Variants in ANKRD36 observed in about 807,000 individuals in gnomAD.
ANKRD36 encodes ankyrin repeat domain 36.
Under a neutral mutation model 278.1 loss-of-function variants are expected in ANKRD36, and 179 were observed. The observed-to-expected ratio is 0.64, with a 90% CI of 0.57 to 0.73. The LOEUF (loss-of-function observed/expected upper bound fraction) is 0.73, where lower values mean the gene tolerates loss of function less well. Among genes scored for constraint, ANKRD36 ranks in the 30% least tolerant of loss-of-function variants. The pLI, the probability that ANKRD36 is intolerant of heterozygous loss-of-function variation, is 0.00. For synonymous variants in ANKRD36, 320 were observed against 641.1 expected (o/e 0.50, Z 7.57); for missense variants, 1,159 against 1,956.7 (o/e 0.59, Z 7.69).
intron 3 of ANKRD36, among the ~76,000 whole-genome samples, chr2:97,122,524 A>C (rs2037175581): frequency 6.7e-6 from 1 of 148,224 alleles, no homozygotes; most frequent in Non-Finnish European, 1.5e-5. Context: ...TTAGAGTTTG[A>C]GGACATAGAG....
chr2:97,217,643 G>A (rs1258831736), intron 64 of ANKRD36, among the ~76,000 whole-genome samples: 2 of 152,084 alleles, frequency 1.3e-5, no homozygotes, highest in African/African-American at 4.8e-5. Flanking sequence ...GAGGATCCGG[G>A]GACAGCATAA....
At position 97,152,505 on chromosome 2, in the gene ANKRD36, G is replaced by T. The variant is rs1434809321; in HGVS notation, c.1164G>T (p.Val388=). ...TGCATTTTACTTTTTCTTTAATAGT[G>T]CTTCCTCCTGTTGAAGAGGCTGTTG... ...KIISPRSIKD[V]LPPVEEAVDR... is the part of the protein sequence containing the mutation. The change falls in exon 14 of 76, where the codon GTG becomes GTT. Residue 388 remains valine, a splice_region_variant and synonymous_variant. Transcript: ENST00000420699. The T allele has an allele frequency of 6.8e-7, 1 of 1,466,316 alleles. No individual in the cohort carries two copies. The highest frequency in any genetic ancestry group is 1.4e-5 in the African/African-American group (1 of 72,700). 90.8% of individuals were successfully genotyped at this position (1,466,316 alleles called of 1,614,324 possible).
chr2:97,184,397 T>C (rs1018559900), intron 28 of ANKRD36, among the ~76,000 whole-genome samples: 8 of 151,754 alleles, frequency 5.3e-5, no homozygotes, highest in African/African-American at 1.9e-4. Context: ...TATTAGCTTT[T>C]TTCCAAAGTG....
intron 6 of ANKRD36, among the ~76,000 whole-genome samples, chr2:97,129,699 G>A (rs2039573385): frequency 6.6e-6 from 1 of 152,048 alleles, no homozygotes; most frequent in African/African-American, 2.4e-5. Flanking sequence ...TGGCTAGCCA[G>A]TTTTCCCAGC....
chr2:97,175,367 G>T (rs544369538), intron 22 of ANKRD36, among the ~76,000 whole-genome samples: 1 of 151,648 alleles, frequency 6.6e-6, no homozygotes. Flanking sequence ...GAGTGTATGT[G>T]TCTAGGAATT....
chr2:97,177,824 G>A (rs202194134), intron 22 of ANKRD36, among the ~76,000 whole-genome samples: 79 of 151,686 alleles, frequency 5.2e-4, no homozygotes, highest in African/African-American at 1.6e-3. Context: ...AAAATTGACA[G>A]ATGGGATCTA....
chr2:97,198,108 G>T (rs1268963100), intron 42 of ANKRD36, among the ~76,000 whole-genome samples: 1 of 151,912 alleles, frequency 6.6e-6, no homozygotes. Context: ...GTGGGTACAT[G>T]TAGCACCTGC....
intron 48 of ANKRD36, among the ~76,000 whole-genome samples, chr2:97,203,162 T>C (rs1289172784): frequency 2.0e-5 from 3 of 151,802 alleles, no homozygotes; most frequent in Non-Finnish European, 4.4e-5. Flanking sequence ...ACCTCTTGGA[T>C]ACCATAGCTA....
At chr2:97,230,033 G>A (rs1195949547) in intron 67 of ANKRD36, among the ~76,000 whole-genome samples, 1 of 152,094 alleles carries the variant, frequency 6.6e-6, no homozygotes, top group African/African-American at 2.4e-5. Context: ...GCTTCCCTTT[G>A]TGGGCAACCT....
intron 72 of ANKRD36, chr2:97,248,853 T>TTA (rs1282290088): frequency 2.0e-6 from 1 of 492,508 alleles, no homozygotes; most frequent in Non-Finnish European, 3.5e-6. Context: ...CCAGATAGTG[T>TTA]TATGTAAGGC....
chr2:97,157,130 C>CTCTCTCT (rs2047660651), intron 15 of ANKRD36, among the ~76,000 whole-genome samples: 1 of 67,262 alleles, frequency 1.5e-5, no homozygotes, highest in African/African-American at 3.3e-5. Flanking sequence ...GTTTTTTTTT[C>CTCTCTCT]CTCTCTCTCT....
chr2:97,162,706 A>C (rs1425257534), intron 18 of ANKRD36, among the ~76,000 whole-genome samples: 2 of 145,130 alleles, frequency 1.4e-5, no homozygotes, highest in Non-Finnish European at 3.0e-5. Flanking sequence ...ACAGGAACTC[A>C]TTTCTTCTCT....
chr2:97,203,561 C>A (rs1356267257), intron 48 of ANKRD36, among the ~76,000 whole-genome samples: 1 of 151,804 alleles, frequency 6.6e-6, no homozygotes, highest in African/African-American at 2.4e-5. Context: ...TAGGACACTT[C>A]CACTGAAGAG....
At position 97,195,870 on chromosome 2, in the gene ANKRD36, A is replaced by G. The variant is rs185243679; in HGVS notation, c.2552-723A>G. ...AATGGTTGTGGCAGTTTTACTTTGTAGAAATATGTCAAAATTGATAATTGA... is the reference window on the plus strand; with the variant it reads ...AATGGTTGTGGCAGTTTTACTTTGTGGAAATATGTCAAAATTGATAATTGA... On this transcript the variant is annotated intron_variant, in intron 40 of 75. Coordinates refer to ENST00000420699, the MANE Select transcript of ANKRD36 (RefSeq NM_001354587.1). 2.6e-3 allele frequency among the ~76,000 whole-genome samples: 398 copies of G among 152,054 alleles called. 16 individuals carry two copies. The East Asian group carries it at 0.048, about 18-fold the overall frequency.
In ANKRD36 at chr2:97,128,585, A is replaced by G. The variant is rs1348762707; in HGVS notation, c.799+1451A>G. ...TTGTCCAAATATGGGGAACAAATCT[A>G]CCAAGATCCTGTGTAACCCTTTTGT... On this transcript the variant is annotated intron_variant, in intron 6 of 75. Transcript: ENST00000420699. 2.0e-5 allele frequency among the ~76,000 whole-genome samples: 3 copies of G among 152,018 alleles called. No homozygotes were observed. In the Admixed American group the frequency reaches 2.0e-4, roughly 10 times the overall value.
chr2:97,195,071 C>G (rs1478762717), intron 40 of ANKRD36, among the ~76,000 whole-genome samples, 154 bp downstream of exon 40: 3 of 151,964 alleles, frequency 2.0e-5, no homozygotes, highest in Non-Finnish European at 2.9e-5. Flanking sequence ...TATGCTGATG[C>G]TACTGGTCTG....
At chr2:97,141,362 T>G (rs2042872965) in intron 6 of ANKRD36, among the ~76,000 whole-genome samples, 1 of 142,604 alleles carries the variant, frequency 7.0e-6, no homozygotes, top group African/African-American at 2.6e-5. Flanking sequence ...GACATGTATG[T>G]TTTTGCAAAA....
At chr2:97,176,677 G>A (rs560759454) in intron 22 of ANKRD36, among the ~76,000 whole-genome samples, 75 of 150,958 alleles carry the variant, frequency 5.0e-4, no homozygotes, top group African/African-American at 1.7e-3. Context: ...TACGATGTTA[G>A]CTGGTTATTT....
rs916783212 is a variant in ANKRD36 at position 97,126,621 on chromosome 2, T to G, written c.732-446T>G. On this transcript the variant is annotated intron_variant, in intron 5 of 75. Transcript: ENST00000420699. ...ATTTCAAAATAGTTTCAGCAATAAA[T>G]TTCAAGAACAAACTCCACTGCTTTA... Among the ~76,000 whole-genome samples, 6 of 151,988 alleles carry G rather than the reference T, an allele frequency of 3.9e-5. No individual in the cohort carries two copies. The East Asian group carries it at 9.6e-4, about 24-fold the overall frequency.
Sources: gnomAD v4.1 joint callset for allele counts (sites outside exome capture counted in the v4.1 genomes callset) on GRCh38, gnomAD v4.1.1 for gene constraint, MANE v1.5 for transcripts, NCBI Gene and HGNC (gene_info 2026-07-23, HGNC 2026-07-21) for gene names.